Variants in NMNAT3 observed in about 807,000 individuals in gnomAD.
The protein encoded by NMNAT3 is nicotinamide/nicotinic acid mononucleotide adenylyltransferase 3.
A neutral mutation model predicts 24.8 loss-of-function variants in NMNAT3; 21 were observed. That is an observed-to-expected ratio of 0.85 (90% confidence interval 0.60 to 1.22). The LOEUF (loss-of-function observed/expected upper bound fraction) is 1.22, where lower values mean the gene tolerates loss of function less well. Ranked by LOEUF, NMNAT3 falls within the 50% of genes most tolerant of loss-of-function variation. NMNAT3 has a pLI of 0.00. For synonymous variants in NMNAT3, 136 were observed against 155.2 expected (o/e 0.88, Z 0.92); for missense variants, 387 against 436.6 (o/e 0.89, Z 1.01).
At chr3:139,638,514 G>T (rs1262989078) in intron 1 of NMNAT3, among the ~76,000 whole-genome samples, 1 of 151,672 alleles carries the variant, frequency 6.6e-6, no homozygotes, top group African/African-American at 2.4e-5. Context: ...GACATCAGGG[G>T]ACAGCATCAT....
At chr3:139,627,035 C>CT (rs1223245158) in intron 3 of NMNAT3, among the ~76,000 whole-genome samples, 48 of 152,198 alleles carry the variant, frequency 3.2e-4, no homozygotes, top group Middle Eastern at 3.4e-3. Flanking sequence ...TGTCACTTTA[C>CT]TCCTTTAATA....
intron 1 of NMNAT3, among the ~76,000 whole-genome samples, chr3:139,645,243 T>C (rs1391180650): frequency 1.3e-5 from 2 of 151,904 alleles, no homozygotes; most frequent in Non-Finnish European, 2.9e-5. Flanking sequence ...GAAGCAGTAG[T>C]TGGAGAATGA....
chr3:139,562,593 C>T (rs983445156), intron 6 of NMNAT3, among the ~76,000 whole-genome samples: 5 of 152,180 alleles, frequency 3.3e-5, no homozygotes, highest in African/African-American at 1.2e-4. Context: ...GTTTAGGATC[C>T]TCTAAGGTGG....
intron 4 of NMNAT3, among the ~76,000 whole-genome samples, chr3:139,581,161 A>G (rs148517490): frequency 6.6e-6 from 1 of 152,322 alleles, no homozygotes; most frequent in Admixed American, 6.5e-5. Context: ...TGAAAAACAA[A>G]AACAGGACTA....
chr3:139,622,800 G>GATATATATGAT (rs2055855395), intron 3 of NMNAT3, among the ~76,000 whole-genome samples: 1 of 136,538 alleles, frequency 7.3e-6, no homozygotes. Context: ...TGATATATAT[G>GATATATATGAT]ATATATATAT....
intron 1 of NMNAT3, among the ~76,000 whole-genome samples, chr3:139,668,917 C>A (rs1379829949): frequency 2.0e-5 from 3 of 152,176 alleles, no homozygotes; most frequent in Non-Finnish European, 4.4e-5. Flanking sequence ...CTTTATTGAT[C>A]TAAAACACTA....
chr3:139,589,536 A>C (rs1382129078), intron 3 of NMNAT3, among the ~76,000 whole-genome samples: 1 of 152,238 alleles, frequency 6.6e-6, no homozygotes, highest in Non-Finnish European at 1.5e-5. Flanking sequence ...TGAAGTCTTC[A>C]AAATGTTAAA....
intron 2 of NMNAT3, among the ~76,000 whole-genome samples, chr3:139,633,033 C>T (rs902783252): frequency 1.3e-5 from 2 of 152,038 alleles, no homozygotes; most frequent in Non-Finnish European, 2.9e-5. Flanking sequence ...TAGGAAGGGG[C>T]CATGAACCAA....
At chr3:139,578,218 G>A (rs1408241467) in intron 5 of NMNAT3, among the ~76,000 whole-genome samples, 3 of 152,178 alleles carry the variant, frequency 2.0e-5, no homozygotes, top group Non-Finnish European at 4.4e-5. Flanking sequence ...TGCAGGGCTG[G>A]CTTGGGGTTT....
chr3:139,592,240 G>A (rs1428934987), intron 3 of NMNAT3, among the ~76,000 whole-genome samples: 3 of 152,202 alleles, frequency 2.0e-5, no homozygotes, highest in Non-Finnish European at 4.4e-5. Context: ...TGAAATGAAT[G>A]AAATGAAGTG....
intron 2 of NMNAT3, chr3:139,636,903 T>A (rs1414637349): frequency 6.6e-6 from 1 of 152,190 alleles, no homozygotes; most frequent in East Asian, 1.9e-4. Context: ...AGAAAGAACA[T>A]GAGGGCAAGA....
chr3:139,601,869 A>G (rs2054732722), intron 3 of NMNAT3, among the ~76,000 whole-genome samples: 1 of 152,336 alleles, frequency 6.6e-6, no homozygotes, highest in Non-Finnish European at 1.5e-5. Context: ...TACAATGTTG[A>G]AGGCAGATGG....
intron 2 of NMNAT3, among the ~76,000 whole-genome samples, chr3:139,632,345 G>A (rs2056334364): frequency 6.6e-6 from 1 of 152,006 alleles, no homozygotes; most frequent in African/African-American, 2.4e-5. Flanking sequence ...AGACATCCTT[G>A]CCTATTGGGC....
intron 5 of NMNAT3, among the ~76,000 whole-genome samples, chr3:139,574,853 A>G (rs1256908210): frequency 1.3e-5 from 2 of 152,184 alleles, no homozygotes; most frequent in African/African-American, 4.8e-5. Context: ...GCTGCTGATT[A>G]TAATTGGGAG....
intron 1 of NMNAT3, among the ~76,000 whole-genome samples, chr3:139,671,623 CA>C (rs1490808571): frequency 2.0e-5 from 3 of 151,950 alleles, no homozygotes; most frequent in African/African-American, 7.2e-5. Flanking sequence ...CTCTCTCACA[CA>C]CACACACACA....
At chr3:139,591,020 C>T (rs1256995036) in intron 3 of NMNAT3, among the ~76,000 whole-genome samples, 1 of 151,886 alleles carries the variant, frequency 6.6e-6, no homozygotes, top group Non-Finnish European at 1.5e-5. Context: ...GAGAGCGACA[C>T]AGAAGACGGG....
chr3:139,621,473 C>G (rs188280202), intron 3 of NMNAT3, among the ~76,000 whole-genome samples: 26 of 152,262 alleles, frequency 1.7e-4, no homozygotes, highest in Non-Finnish European at 2.6e-4. Context: ...CCAGGTTCAA[C>G]TGATTCTCAT....
rs552339926 is a variant in NMNAT3, at chr3:139,647,527, C to T, written c.-140-9465G>A. Among the ~76,000 whole-genome samples, 5 of 152,244 alleles carry T rather than the reference C, an allele frequency of 3.3e-5. No individual in the cohort carries two copies. The South Asian group carries it at 1.0e-3, about 32-fold the overall frequency. ...GGTCATTGCAGATGTGATTAAGAAT[C>T]TTGAGAAGAGGGAGTGCTAAATGCA... On this transcript the variant is annotated intron_variant, in intron 1 of 6. Transcript: ENST00000643695.
At chr3:139,594,525 AC>A (rs2054354133) in intron 3 of NMNAT3, among the ~76,000 whole-genome samples, 1 of 152,200 alleles carries the variant, frequency 6.6e-6, no homozygotes, top group Admixed American at 6.5e-5. Context: ...AGAATTTTAG[AC>A]CAGTATCCTT....
Sources: gnomAD v4.1 joint callset for allele counts (sites outside exome capture counted in the v4.1 genomes callset) on GRCh38, gnomAD v4.1.1 for gene constraint, MANE v1.5 for transcripts, NCBI Gene and HGNC (gene_info 2026-07-23, HGNC 2026-07-21) for gene names.